Variants in EP400 observed in about 807,000 individuals in gnomAD.
EP400 encodes the protein E1A-binding protein p400.
In EP400, 105 loss-of-function variants were observed where a neutral mutation model predicts 354.1. The observed-to-expected ratio is 0.30, with a 90% confidence interval of 0.25 to 0.35. The LOEUF (loss-of-function observed/expected upper bound fraction) is 0.35, where lower values mean the gene tolerates loss of function less well. Among genes scored for constraint, EP400 ranks in the 10% least tolerant of loss-of-function variants. The pLI is 1.00. For synonymous variants in EP400, 1,646 were observed against 1,716.9 expected, an observed-to-expected ratio of 0.96 and a Z score of 1.02; for missense variants, 3,280 against 4,121.0, an observed-to-expected ratio of 0.80 and a Z score of 5.59.
intron 30 of EP400, among the ~76,000 whole-genome samples, chr12:132,036,300 G>A (rs549952355): frequency 4.1e-5 from 6 of 147,646 alleles, no homozygotes; most frequent in South Asian, 2.2e-4. Context: ...ACGGAATGTC[G>A]TGGAAGCACA....
chr12:132,066,605 A>C, intron 48 of EP400, 169 bp from the exon 49 acceptor site: 1 of 693,966 alleles, frequency 1.4e-6, no homozygotes, highest in Non-Finnish European at 2.3e-6. Flanking sequence ...GTGACTTGAC[A>C]TTTCCCTGCG....
chr12:132,005,646 T>C (rs1397354005), intron 13 of EP400, among the ~76,000 whole-genome samples: 1 of 152,158 alleles, frequency 6.6e-6, no homozygotes, highest in Non-Finnish European at 1.5e-5. Flanking sequence ...CACAGGAGCC[T>C]TGGGGAGGTC....
rs561911218 is a variant in EP400, at chr12:132,052,580, T to A, written c.7395-566T>A. ...CTTCAGACCCACTGCACATTTTACC[T>A]GTTTGTCGTCTGATGTGAGTGCTGT... is the stretch of plus-strand genomic sequence containing the variant. On this transcript the variant is annotated intron_variant, in intron 41 of 52. Coordinates refer to ENST00000389561, the MANE Select transcript of EP400 (RefSeq NM_015409.5). The surrounding 1 kb of genome is among the most constrained non-coding windows in gnomAD (Gnocchi z 4.4). Among the ~76,000 whole-genome samples the A allele has an allele frequency of 6.6e-6, 1 of 152,238 alleles. No homozygotes were observed. Among genetic ancestry groups the A allele is most frequent in the Non-Finnish European group, 1.5e-5 (1 of 68,044 alleles).
At chr12:132,034,477 C>T (rs954557128) in intron 30 of EP400, among the ~76,000 whole-genome samples, 13 of 152,296 alleles carry the variant, frequency 8.5e-5, no homozygotes, top group African/African-American at 9.6e-5. Flanking sequence ...TGCACACACA[C>T]GGTTGGGTAA....
At chr12:132,064,976 T>C (rs1895842323) in intron 48 of EP400, 90 bp downstream of exon 48, 1 of 1,503,176 alleles carries the variant, frequency 6.7e-7, no homozygotes, top group Admixed American at 2.1e-5. Flanking sequence ...GTGTCACGTG[T>C]TACAGGAGTG....
rs781511179 is a variant in EP400, at chr12:131,990,047, G to A, written c.2493G>A (p.Arg831=). The change falls in exon 8 of 53, where the codon AGG becomes AGA. Residue 831 remains arginine (R), a synonymous_variant. Coordinates refer to ENST00000389561, the MANE Select transcript of EP400 (RefSeq NM_015409.5). The surrounding 1 kb of genome is among the most constrained non-coding windows in gnomAD (Gnocchi z 4.2). ...RGKKEEQSRL[R]RIAASTAREI... The stretch of plus-strand genomic sequence containing the variant: ...AGAAGGAAGAGCAGAGCAGACTGAG[G>A]CGGATAGCCGCCTCCACGGCCCGGG... 1 of 1,613,332 alleles carries A rather than the reference G, an allele frequency of 6.2e-7. No individual in the cohort carries two copies. Among genetic ancestry groups the A allele is most frequent in the Admixed American group, 1.7e-5 (1 of 59,676 alleles).
chr12:131,976,767 C>T (rs930564126), intron 2 of EP400, among the ~76,000 whole-genome samples: 7 of 152,162 alleles, frequency 4.6e-5, no homozygotes, highest in Non-Finnish European at 1.0e-4. Flanking sequence ...ACTCTTTCTC[C>T]TTTGTGGCAG....
In EP400 at chr12:132,045,467, C is replaced by T. The variant is rs778215002; in HGVS notation, c.6933C>T (p.Phe2311=). Residue 2311 remains phenylalanine, a synonymous_variant, in exon 38 of 53, where the codon TTC becomes TTT. Coordinates refer to ENST00000389561, the MANE Select transcript of EP400 (RefSeq NM_015409.5). ...TTCTGCTGAAGCAGCAGGTGCCATT[C>T]GCCAAGCCCCTGCCAACTTTTGCCA... is the stretch of plus-strand genomic sequence containing the variant. ...KNILLKQQVP[F]AKPLPTFAKP... 240 of 1,614,056 alleles carry T rather than the reference C, an allele frequency of 1.5e-4. No homozygotes were observed. Among genetic ancestry groups the T allele is most frequent in the Non-Finnish European group, 6.7e-5 (79 of 1,180,040 alleles).
At chr12:131,980,889 G>A (rs943854024) in intron 3 of EP400, among the ~76,000 whole-genome samples, 1 of 152,168 alleles carries the variant, frequency 6.6e-6, no homozygotes, top group Non-Finnish European at 1.5e-5. Flanking sequence ...GCCTAGAAAT[G>A]AAATTGCTAG....
At chr12:132,037,134 G>A (rs1028514127) in intron 30 of EP400, among the ~76,000 whole-genome samples, 1 of 152,218 alleles carries the variant, frequency 6.6e-6, no homozygotes, top group African/African-American at 2.4e-5. Flanking sequence ...TCTTGAGGAA[G>A]CCTTGTGTCC....
In EP400 at chr12:131,984,140, C is replaced by T. The variant is rs890691385; in HGVS notation, c.1929+1662C>T. Among the ~76,000 whole-genome samples the T allele has an allele frequency of 5.3e-5, 8 of 152,274 alleles. No individual in the cohort carries two copies. In the Middle Eastern group the frequency reaches 0.01, roughly 194 times the overall value. ...CTTGAACTCCTGACCTCAGGTGATC[C>T]GCTGGCTTTGGCCTTCCAAAGTGCT... On this transcript the variant is annotated intron_variant, in intron 5 of 52. Transcript: ENST00000389561.
chr12:132,046,524 T>C (rs1487181406), intron 39 of EP400, among the ~76,000 whole-genome samples: 3 of 152,230 alleles, frequency 2.0e-5, no homozygotes, highest in Non-Finnish European at 4.4e-5. Flanking sequence ...TAATATTCTC[T>C]GTTTCAGGGT....
At position 132,018,062 on chromosome 12, in the gene EP400, C is replaced by T; in HGVS notation, c.4111-148C>T. On this transcript the variant is annotated intron_variant, in intron 20 of 52. Coordinates refer to ENST00000389561, the MANE Select transcript of EP400 (RefSeq NM_015409.5). The surrounding 1 kb of genome is among the most constrained non-coding windows in gnomAD (Gnocchi z 4.0). ...GGGTGTGGCAGCACCTGTGTATTGG[C>T]ACGGAGGAGGGTCTGCTTGCCGAGT... 2 of 939,928 alleles carry T rather than the reference C, an allele frequency of 2.1e-6. No individual in the cohort carries two copies. The highest frequency in any genetic ancestry group is 3.2e-6 in the Non-Finnish European group (2 of 626,674). 58.2% of individuals were successfully genotyped at this position (939,928 alleles called of 1,614,324 possible). A position where few individuals can be genotyped will look rare whatever the true frequency, so the allele number is the denominator to read the frequency against.
At chr12:131,950,962 C>A (rs1000030149) in intron 1 of EP400, among the ~76,000 whole-genome samples, 1 of 151,878 alleles carries the variant, frequency 6.6e-6, no homozygotes, top group Admixed American at 6.6e-5. Context: ...TGCAGTGGCG[C>A]GATCTCGGCT....
At chr12:132,076,622 C>T (rs1187396820) in intron 52 of EP400, 29 bp downstream of exon 52, 7 of 1,581,576 alleles carry the variant, frequency 4.4e-6, no homozygotes, top group Non-Finnish European at 6.0e-6. Context: ...GTGGAAACCT[C>T]ACATTTCCCA....
At position 131,961,424 on chromosome 12, in the gene EP400, A is replaced by G. The variant is rs1321131685; in HGVS notation, c.805A>G (p.Ser269Gly). Residue 269 changes from serine to glycine, a missense_variant, in exon 2 of 53, where the codon AGC becomes GGC. Transcript: ENST00000389561. Reference sequence around the variant, plus strand: ...CACGGCTAACTTGCCACCGCAGATCAGCAGCATCATCCAGGGCCAGCTGGT... The same window carrying G: ...CACGGCTAACTTGCCACCGCAGATCGGCAGCATCATCCAGGGCCAGCTGGT... ...ITTANLPPQI[S>G]SIIQGQLVQQ... 1 of 1,465,158 alleles carries G rather than the reference A, an allele frequency of 6.8e-7. No individual in the cohort carries two copies. The highest frequency in any genetic ancestry group is 9.3e-7 in the Non-Finnish European group (1 of 1,072,730). 90.8% of individuals were successfully genotyped at this position (1,465,158 alleles called of 1,614,324 possible).
intron 32 of EP400, among the ~76,000 whole-genome samples, chr12:132,039,060 G>A (rs1035583171): frequency 6.6e-6 from 1 of 151,874 alleles, no homozygotes; most frequent in Admixed American, 6.6e-5. Flanking sequence ...GCACCTGTCC[G>A]CCGACACCCG....
At chr12:132,064,361 T>C (rs187813873) in intron 47 of EP400, among the ~76,000 whole-genome samples, 1 of 152,394 alleles carries the variant, frequency 6.6e-6, no homozygotes, top group African/African-American at 2.4e-5. Context: ...TTTTTGAACT[T>C]CAAATAAGTT....
In EP400 at chr12:132,016,758, G is replaced by T. The variant is rs76110670; in HGVS notation, c.3924-777G>T. ...GACCCTTGAGCTCCTCACGTCCGGC[G>T]TGGCAGAACTGAGCTCGTGTTTTCC... On this transcript the variant is annotated intron_variant, in intron 19 of 52. Transcript: ENST00000389561. Among the ~76,000 whole-genome samples the T allele has an allele frequency of 7.1e-3, 1,084 of 152,288 alleles. 35 individuals are homozygous for T. The South Asian group carries it at 0.094, about 13-fold the overall frequency.
Sources: gnomAD v4.1 joint callset for allele counts (sites outside exome capture counted in the v4.1 genomes callset) on GRCh38, gnomAD v4.1.1 for gene constraint, Gnocchi (gnomAD v3.1) non-coding constraint, MANE v1.5 for transcripts, NCBI Gene and HGNC (gene_info 2026-07-23, HGNC 2026-07-21) for gene names.